SH2D3A: variants seen among roughly 807,000 people sequenced by gnomAD.
SH2D3A encodes SH2 domain-containing protein 3A.
SH2D3A carries 46 observed loss-of-function variants against 50.6 expected under a neutral mutation model. The observed-to-expected ratio is 0.91, with a 90% CI of 0.72 to 1.16. SH2D3A has a LOEUF of 1.16. Among genes scored for constraint, SH2D3A ranks in the 50% most tolerant of loss-of-function variants. SH2D3A has a pLI of 0.00. For synonymous variants in SH2D3A, 377 were observed against 348.4 expected, an observed-to-expected ratio of 1.08 and a Z score of -0.91; for missense variants, 783 against 786.2, an observed-to-expected ratio of 1.00 and a Z score of 0.05.
chr19:6,759,677 G>T lies in SH2D3A; in HGVS notation c.420-7C>A. 6.2e-7 allele frequency: 1 copy of T among 1,613,538 alleles called. No homozygotes were observed. Among genetic ancestry groups the T allele is most frequent in the Non-Finnish European group, 8.5e-7 (1 of 1,179,666 alleles). The stretch of plus-strand genomic sequence containing the variant: ...GTTGCTCCACTTCCTTGCCCTGGGG[G>T]ACAGAAGTGGGAGAAACCTGTAGTC... On this transcript the variant is annotated splice_region_variant and splice_polypyrimidine_tract_variant and intron_variant, in intron 3 of 9. Transcript: ENST00000245908.
intron 2 of SH2D3A, chr19:6,761,279 A>C (rs1402771277): frequency 2.9e-5 from 10 of 342,908 alleles, no homozygotes; most frequent in Non-Finnish European, 3.8e-5. Flanking sequence ...GGCGCATAAA[A>C]CCCTGCTGCA....
Position 6,752,522 on chromosome 19 carries a change from G to A in SH2D3A, c.*71C>T, listed in dbSNP as rs1969371420. ...ACCTGAGGCGCGAGGAGCCTGGGAC[G>A]ACTCCTTTGGTCTCTTCTGGGGTTC... is the stretch of plus-strand genomic sequence containing the variant. On this transcript the variant is annotated 3_prime_UTR_variant, in exon 10 of 10. Transcript: ENST00000245908. The A allele has an allele frequency of 1.5e-6, 2 of 1,359,660 alleles. No homozygotes were observed. The highest frequency in any genetic ancestry group is 9.7e-7 in the Non-Finnish European group (1 of 1,034,738). 84.2% of individuals were successfully genotyped at this position (1,359,660 alleles called of 1,614,324 possible). A position where few individuals can be genotyped will look rare whatever the true frequency, so the allele number is the denominator to read the frequency against.
At position 6,753,504 on chromosome 19, in the gene SH2D3A, C is replaced by T. The variant is rs1374911420; in HGVS notation, c.1522G>A (p.Val508Ile). 1.3e-6 allele frequency: 2 copies of T among 1,554,972 alleles called. No individual in the cohort carries two copies. Among genetic ancestry groups the T allele is most frequent in the East Asian group, 2.4e-5 (1 of 41,428 alleles). ...TTGCGGAATTTGGGTGCGTCCCGGA[C>T]CATGTGACGCGCCCCGTGCAGGGTG... is the stretch of plus-strand genomic sequence containing the variant. ...LRTLHGARHM[V>I]RDAPKFRKVA... Residue 508 changes from valine (V) to isoleucine (I), a missense_variant, in exon 9 of 10, where the codon GTC (valine) becomes ATC (isoleucine). By Grantham distance (29) the Val-to-Ile change is conservative. Coordinates refer to ENST00000245908, the MANE Select transcript of SH2D3A (RefSeq NM_005490.3).
At chr19:6,756,846 C>T (rs1016693037) in intron 4 of SH2D3A, among the ~76,000 whole-genome samples, 3 of 151,996 alleles carry the variant, frequency 2.0e-5, no homozygotes, top group Admixed American at 1.3e-4. Context: ...GTCCCTCCTT[C>T]CCTCCCTCCC....
chr19:6,766,368 A>G lies in SH2D3A; in HGVS notation c.-69+1019T>C, dbSNP rs540787328. On this transcript the variant is annotated intron_variant, in intron 1 of 9. Coordinates refer to ENST00000245908, the MANE Select transcript of SH2D3A (RefSeq NM_005490.3). ...GCCATAGGTCAGCCAAAGGCCAACTAAGCCATCTCCTGCCTCTGAGTCCTT... is the reference window on the plus strand; with the variant it reads ...GCCATAGGTCAGCCAAAGGCCAACTGAGCCATCTCCTGCCTCTGAGTCCTT... Among the ~76,000 whole-genome samples, 9 of 139,260 alleles carry G rather than the reference A, an allele frequency of 6.5e-5. No homozygotes were observed. The South Asian group carries it at 1.8e-3, about 28-fold the overall frequency. The allele number at this position is 139,260 out of a possible 152,430, so 91.4% of individuals were successfully genotyped here.
At chr19:6,761,250 A>G (rs565388714) in intron 2 of SH2D3A, 168 of 463,470 alleles carry the variant, frequency 3.6e-4, no homozygotes, top group Non-Finnish European at 5.5e-4. Context: ...TAGAAGGGCT[A>G]TGGGAAATAT....
At position 6,753,649 on chromosome 19, in the gene SH2D3A, G is replaced by A. The variant is rs1461916838; in HGVS notation, c.1385-8C>T. On this transcript the variant is annotated splice_polypyrimidine_tract_variant and splice_region_variant and intron_variant, in intron 8 of 9. Coordinates refer to ENST00000245908, the MANE Select transcript of SH2D3A (RefSeq NM_005490.3). ...CGCCGGGGTCGCAGGGTCCTGCGGA[G>A]GGGGAGGGTCTGATCAGGGTTTGGG... 6.4e-7 allele frequency: 1 copy of A among 1,558,322 alleles called. No homozygotes were observed. The highest frequency in any genetic ancestry group is 2.3e-5 in the East Asian group (1 of 43,732).
At chr19:6,754,462 G>A (rs767915893) in intron 6 of SH2D3A, 37 bp from the exon 7 acceptor site, 7 of 1,530,376 alleles carry the variant, frequency 4.6e-6, no homozygotes, top group Middle Eastern at 2.2e-4. Flanking sequence ...GGGGAAGTGG[G>A]GAGGTTTGTA....
rs768478372 is a variant in SH2D3A at position 6,760,897 on chromosome 19, G to A, written c.160C>T (p.Arg54Trp). The part of the protein sequence containing the change: ...GGNPVISCRW[R>W]GSALHFEVFR... ...ACCTCAAAATGGAGGGCTGAGCCCC[G>A]CCAGCGGCAGGAGATCACGGGGTTG... The change falls in exon 3 of 10, where the codon CGG becomes TGG. Residue 54 changes from arginine to tryptophan, a missense_variant. Coordinates refer to ENST00000245908, the MANE Select transcript of SH2D3A (RefSeq NM_005490.3). 1.2e-5 allele frequency: 20 copies of A among 1,614,198 alleles called. No homozygotes were observed. In the South Asian group the frequency reaches 1.4e-4, roughly 12 times the overall value.
At chr19:6,760,554 TC>T (rs1969952378) in intron 3 of SH2D3A, 83 bp downstream of exon 3, 1 of 1,122,610 alleles carries the variant, frequency 8.9e-7, no homozygotes, top group African/African-American at 1.6e-5. Flanking sequence ...TGAGACTCAG[TC>T]AAAAAAAAAA....
At position 6,752,374 on chromosome 19, in the gene SH2D3A, A is replaced by T. The variant is rs568876336; in HGVS notation, c.*219T>A. ...CAACTGCTAGAAATCACGGCTTTTAAGAGGTGGAGTCACATTTGAACTCTG... is the reference window on the plus strand; with the variant it reads ...CAACTGCTAGAAATCACGGCTTTTATGAGGTGGAGTCACATTTGAACTCTG... On this transcript the variant is annotated 3_prime_UTR_variant, in exon 10 of 10. Transcript: ENST00000245908. 28 of 406,860 alleles carry T rather than the reference A, an allele frequency of 6.9e-5. No homozygotes were observed. Among genetic ancestry groups the T allele is most frequent in the African/African-American group, 5.7e-4 (28 of 48,984 alleles). 25.2% of individuals were successfully genotyped at this position (406,860 alleles called of 1,614,324 possible). A position where few individuals can be genotyped will look rare whatever the true frequency, so the allele number is the denominator to read the frequency against.
At position 6,760,681 on chromosome 19, in the gene SH2D3A, C is replaced by G. The variant is rs765407222; in HGVS notation, c.376G>C (p.Glu126Gln). The G allele has an allele frequency of 6.2e-7, 1 of 1,609,566 alleles. No individual in the cohort carries two copies. Among genetic ancestry groups the G allele is most frequent in the Non-Finnish European group, 8.5e-7 (1 of 1,177,094 alleles). Residue 126 changes from glutamate (E) to glutamine (Q), a missense_variant, in exon 3 of 10, where the codon GAG (glutamate) becomes CAG (glutamine). By Grantham distance (29) the Glu-to-Gln change is conservative. Transcript: ENST00000245908. ...WQGPLRRSFS[E>Q]DTLMDGPARI... ...GCTGGGCCATCCATCAGGGTGTCCT[C>G]GCTAAAGCTGCGTCGCAGAGGCCCC...
At chr19:6,763,258 T>A (rs1970125565) in intron 2 of SH2D3A, among the ~76,000 whole-genome samples, 1 of 152,028 alleles carries the variant, frequency 6.6e-6, no homozygotes. Context: ...GAGATGGGGT[T>A]TCACAATGTT....
Position 6,760,840 on chromosome 19 carries a change from G to T in SH2D3A, c.217C>A (p.Arg73=). 6.2e-7 allele frequency: 1 copy of T among 1,614,244 alleles called. No homozygotes were observed. The highest frequency in any genetic ancestry group is 1.3e-5 in the African/African-American group (1 of 75,070). The change falls in exon 3 of 10, where the codon CGA becomes AGA. Residue 73 remains arginine (R), a synonymous_variant. Coordinates refer to ENST00000245908, the MANE Select transcript of SH2D3A (RefSeq NM_005490.3). ...TCCAGTTGAAAGAGGGCTGTGGGTC[G>T]GCCTGGCCGGGGACGCAGGGCCACA... ...FRVALRPRPG[R]PTALFQLEDE... is the part of the protein sequence containing the mutation.
intron 2 of SH2D3A, among the ~76,000 whole-genome samples, chr19:6,761,965 C>CAAAAAAAAAAAAAAAAAAAAA (rs759411762): frequency 2.0e-5 from 2 of 101,604 alleles, no homozygotes; most frequent in African/African-American, 8.0e-5. Context: ...AAAAAAAAAA[C>CAAAAAAAAAAAAAAAAAAAAA]AAAAAAAAAA....
chr19:6,765,951 G>T (rs1368817571), intron 1 of SH2D3A, among the ~76,000 whole-genome samples: 1 of 152,192 alleles, frequency 6.6e-6, no homozygotes, highest in Non-Finnish European at 1.5e-5. Flanking sequence ...CAGGGCCAGT[G>T]TGTCTCAGGT....
chr19:6,760,741 T>C lies in SH2D3A; in HGVS notation c.316A>G (p.Thr106Ala). 1 of 1,613,942 alleles carries C rather than the reference T, an allele frequency of 6.2e-7. No individual in the cohort carries two copies. Among genetic ancestry groups the C allele is most frequent in the Admixed American group, 1.7e-5 (1 of 60,030 alleles). The change falls in exon 3 of 10, where the codon ACA becomes GCA. Residue 106 changes from threonine to alanine, a missense_variant. Physicochemically the swap from Thr to Ala is moderately conservative, Grantham distance 58. Coordinates refer to ENST00000245908, the MANE Select transcript of SH2D3A (RefSeq NM_005490.3). ...MTGRRPLSQATGAVVSRPVTW... is the reference protein window; with the variant it reads ...MTGRRPLSQAAGAVVSRPVTW... ...ACAGGCCTGGAGACCACAGCCCCTG[T>C]GGCCTGGGACAGTGGGCGCCTGCCT... is the stretch of plus-strand genomic sequence containing the variant.
chr19:6,756,070 C>CAA (rs779733546), intron 4 of SH2D3A, among the ~76,000 whole-genome samples: 2 of 96,904 alleles, frequency 2.1e-5, no homozygotes, highest in Non-Finnish European at 4.3e-5. Context: ...GACCCTGTCT[C>CAA]AAAAAAAAAA....
intron 1 of SH2D3A, among the ~76,000 whole-genome samples, chr19:6,766,408 C>T (rs1362826047): frequency 2.6e-5 from 4 of 152,132 alleles, no homozygotes; most frequent in Non-Finnish European, 1.5e-5. Flanking sequence ...ATCATTTATT[C>T]GGGCACGGAA....
Sources: allele counts gnomAD v4.1 joint callset (sites outside exome capture counted in the v4.1 genomes callset), GRCh38; gene constraint gnomAD v4.1.1; transcripts MANE v1.5; gene names NCBI Gene and HGNC (gene_info 2026-07-23, HGNC 2026-07-21).